RNF212B: variants seen among roughly 807,000 people sequenced by gnomAD.
RNF212B encodes ring finger protein 212B.
Under a neutral mutation model 55.5 loss-of-function variants are expected in RNF212B, and 52 were observed. The observed-to-expected ratio is 0.94, with a 90% CI of 0.75 to 1.18. The LOEUF (loss-of-function observed/expected upper bound fraction) is 1.18. Ranked by LOEUF, RNF212B falls within the 50% of genes most tolerant of loss-of-function variation. The pLI is 0.00. For missense variants in RNF212B, 289 were observed against 350.4 expected, an observed-to-expected ratio of 0.82 and a Z score of 1.40; for synonymous variants, 99 against 121.4, an observed-to-expected ratio of 0.82 and a Z score of 1.21.
chr14:23,255,626 A>T (rs1363056411), intron 4 of RNF212B, among the ~76,000 whole-genome samples: 1 of 152,234 alleles, frequency 6.6e-6, no homozygotes, highest in East Asian at 1.9e-4. Context: ...AGTTATTGGG[A>T]GGCCAAGGCA....
intron 2 of RNF212B, among the ~76,000 whole-genome samples, chr14:23,202,804 T>C (rs187327322): frequency 2.0e-5 from 3 of 150,556 alleles, no homozygotes; most frequent in South Asian, 2.1e-4. Context: ...TGAGCCAAGA[T>C]TGGTCACTGC....
intron 11 of RNF212B, among the ~76,000 whole-genome samples, 193 bp downstream of exon 11, chr14:23,264,864 C>G (rs1885568751): frequency 6.7e-6 from 1 of 150,102 alleles, no homozygotes. Context: ...TCTTGTTGCC[C>G]AGGCTGGAGT....
At chr14:23,251,703 C>A (rs532175336) in intron 4 of RNF212B, among the ~76,000 whole-genome samples, 3 of 151,816 alleles carry the variant, frequency 2.0e-5, no homozygotes, top group Admixed American at 6.6e-5. Context: ...GTAATCCCAG[C>A]TACTCTGGAG....
intron 4 of RNF212B, among the ~76,000 whole-genome samples, chr14:23,257,358 C>T (rs1039980850): frequency 9.5e-5 from 14 of 148,066 alleles, no homozygotes; most frequent in African/African-American, 3.6e-4. Context: ...TTAAAATAAA[C>T]ATTTTAGTTT....
chr14:23,210,549 G>A (rs1295258171), intron 2 of RNF212B, among the ~76,000 whole-genome samples: 5 of 152,042 alleles, frequency 3.3e-5, no homozygotes, highest in South Asian at 4.1e-4. Context: ...AGGCTGAGGC[G>A]GGTGGATCAC....
chr14:23,213,742 G>A (rs917860072), intron 2 of RNF212B, among the ~76,000 whole-genome samples: 1 of 152,064 alleles, frequency 6.6e-6, no homozygotes, highest in Admixed American at 6.6e-5. Context: ...GAGAGAAGAA[G>A]TGAGGAAGAG....
chr14:23,246,933 G>C (rs1884024958), intron 4 of RNF212B, among the ~76,000 whole-genome samples: 1 of 152,236 alleles, frequency 6.6e-6, no homozygotes, highest in South Asian at 2.1e-4. Context: ...CTGAGGTCCG[G>C]GGTTCGAGAC....
At chr14:23,240,548 A>G in intron 2 of RNF212B, 103 bp downstream of exon 2, 2 of 670,812 alleles carry the variant, frequency 3.0e-6, no homozygotes, top group South Asian at 3.9e-5. Flanking sequence ...ATCACTTATT[A>G]GGTCAATGGT....
At chr14:23,198,166 C>T (rs1878921534) in intron 2 of RNF212B, among the ~76,000 whole-genome samples, 1 of 152,134 alleles carries the variant, frequency 6.6e-6, no homozygotes, top group Non-Finnish European at 1.5e-5. Flanking sequence ...ACATTCCTGC[C>T]TTCTTATATG....
At chr14:23,207,181 G>C (rs1879932172) in intron 2 of RNF212B, among the ~76,000 whole-genome samples, 1 of 152,156 alleles carries the variant, frequency 6.6e-6, no homozygotes, top group South Asian at 2.1e-4. Context: ...CACAACATAC[G>C]ATTTCTGAGT....
At chr14:23,188,334 G>A (rs1877792871) in intron 1 of RNF212B, 1 of 152,124 alleles carries the variant, frequency 6.6e-6, no homozygotes, top group Admixed American at 6.5e-5. Flanking sequence ...TCTTTTGCTG[G>A]GTCCAATCTG....
At chr14:23,232,743 G>A (rs1158841373) in intron 2 of RNF212B, among the ~76,000 whole-genome samples, 1 of 147,588 alleles carries the variant, frequency 6.8e-6, no homozygotes, top group Non-Finnish European at 1.5e-5. Flanking sequence ...AGGTGGGGGG[G>A]TCAGCCCCCA....
intron 1 of RNF212B, among the ~76,000 whole-genome samples, chr14:23,188,882 T>C (rs1457668674): frequency 6.6e-6 from 1 of 152,154 alleles, no homozygotes; most frequent in African/African-American, 2.4e-5. Flanking sequence ...ATATGATTGA[T>C]TGAATGAATT....
At chr14:23,207,144 A>T (rs1264457171) in intron 2 of RNF212B, among the ~76,000 whole-genome samples, 2 of 152,240 alleles carry the variant, frequency 1.3e-5, no homozygotes, top group African/African-American at 4.8e-5. Flanking sequence ...GCCAACAACA[A>T]GAGTTAAGCG....
chr14:23,201,345 T>C (rs1216970718), intron 2 of RNF212B, among the ~76,000 whole-genome samples: 1 of 152,214 alleles, frequency 6.6e-6, no homozygotes, highest in Non-Finnish European at 1.5e-5. Context: ...AGGGCAGCCA[T>C]AGTCAAAAAC....
chr14:23,245,759 CT>C (rs539833832), intron 4 of RNF212B, among the ~76,000 whole-genome samples: 3 of 151,786 alleles, frequency 2.0e-5, no homozygotes, highest in Non-Finnish European at 4.4e-5. Flanking sequence ...CCTTACCATG[CT>C]TTTTTTTGCA....
chr14:23,237,275 G>A (rs1883182323), upstream of RNF212B, among the ~76,000 whole-genome samples: 3 of 152,012 alleles, frequency 2.0e-5, no homozygotes, highest in Admixed American at 2.0e-4. Flanking sequence ...GATTACAGGT[G>A]CGTGTCGCCA....
At chr14:23,247,598 T>A (rs1884083267) in intron 4 of RNF212B, among the ~76,000 whole-genome samples, 1 of 152,212 alleles carries the variant, frequency 6.6e-6, no homozygotes, top group Admixed American at 6.5e-5. Flanking sequence ...ACTTTATTAG[T>A]ATTTCATTCC....
At chr14:23,229,631 G>T (rs1362322779) in intron 2 of RNF212B, among the ~76,000 whole-genome samples, 1 of 152,064 alleles carries the variant, frequency 6.6e-6, no homozygotes, top group Non-Finnish European at 1.5e-5. Context: ...TTTCCCCTAT[G>T]ACTAATTATA....
Sources: allele counts gnomAD v4.1 joint callset (sites outside exome capture counted in the v4.1 genomes callset), GRCh38; gene constraint gnomAD v4.1.1; transcripts MANE v1.5; gene names NCBI Gene and HGNC (gene_info 2026-07-23, HGNC 2026-07-21).